ABCE1: variants seen among roughly 807,000 people sequenced by gnomAD.
ABCE1 encodes ATP binding cassette subfamily E member 1.
A neutral mutation model predicts 83.4 loss-of-function variants in ABCE1; 22 were observed. The observed-to-expected ratio is 0.26, with a 90% CI of 0.19 to 0.38. ABCE1 has a LOEUF of 0.38. Among genes scored for constraint, ABCE1 ranks in the 10% least tolerant of loss-of-function variants. The pLI, the probability that ABCE1 is intolerant of heterozygous loss-of-function variation, is 1.00. For missense variants in ABCE1, 330 were observed against 721.9 expected, an observed-to-expected ratio of 0.46 and a Z score of 6.22; for synonymous variants, 204 against 233.7, an observed-to-expected ratio of 0.87 and a Z score of 1.16.
At chr4:145,122,685 C>A in intron 13 of ABCE1, 1 of 171,690 alleles carries the variant, frequency 5.8e-6, no homozygotes, top group Non-Finnish European at 1.2e-5. Flanking sequence ...GTGGTGCATG[C>A]CTGTAGTTCC....
intron 5 of ABCE1, 84 bp from the exon 6 acceptor site, chr4:145,110,015 CATAT>C: frequency 8.4e-7 from 1 of 1,187,806 alleles, no homozygotes; most frequent in South Asian, 1.8e-5. Flanking sequence ...GTTCTATTTG[CATAT>C]ATAATCTATT....
At position 145,121,216 on chromosome 4, in the gene ABCE1, T is replaced by G. The variant is rs1469339150; in HGVS notation, c.1187T>G (p.Leu396Arg). The change falls in exon 12 of 18, where the codon CTT becomes CGT. Residue 396 changes from leucine to arginine, a missense_variant. Leu to Arg is a moderately radical substitution (Grantham distance 102). Coordinates refer to ENST00000296577, the MANE Select transcript of ABCE1 (RefSeq NM_002940.3). ...TTFIRMLAGR[L>R]KPDEGGEVPV... ...TTTATCAGAATGCTTGCTGGAAGAC[T>G]TAAACCTGATGAAGGAGGTACATTT... The G allele has an allele frequency of 2.5e-6, 4 of 1,613,800 alleles. No homozygotes were observed. The highest frequency in any genetic ancestry group is 3.4e-6 in the Non-Finnish European group (4 of 1,179,886).
chr4:145,116,635 A>G (rs1220844303), intron 9 of ABCE1, among the ~76,000 whole-genome samples: 1 of 151,920 alleles, frequency 6.6e-6, no homozygotes, highest in South Asian at 2.1e-4. Flanking sequence ...CATGACTATT[A>G]CTTGCGTCTA....
chr4:145,104,626 C>A (rs1749250236), intron 2 of ABCE1, 111 bp downstream of exon 2: 1 of 629,740 alleles, frequency 1.6e-6, no homozygotes, highest in Non-Finnish European at 2.4e-6. Context: ...CCATTAGTTT[C>A]ATAAAACTGT....
intron 3 of ABCE1, 128 bp downstream of exon 3, chr4:145,105,818 TA>T: frequency 6.2e-6 from 3 of 485,080 alleles, no homozygotes; most frequent in Non-Finnish European, 7.1e-6. Flanking sequence ...AATGTAAATT[TA>T]GGAAAGTGGT....
intron 17 of ABCE1, 86 bp downstream of exon 17, chr4:145,125,187 C>A: frequency 1.0e-6 from 1 of 999,244 alleles, no homozygotes; most frequent in Non-Finnish European, 1.5e-6. Context: ...TAACATATGG[C>A]TGGGCACAGT....
chr4:145,126,292 G>C (rs1392353770), intron 17 of ABCE1, among the ~76,000 whole-genome samples: 1 of 151,862 alleles, frequency 6.6e-6, no homozygotes, highest in Non-Finnish European at 1.5e-5. Flanking sequence ...TTTGGTTTTG[G>C]TTTTAGTTGT....
chr4:145,109,088 G>A (rs767343035), intron 4 of ABCE1, 44 bp from the exon 5 acceptor site: 4 of 1,360,516 alleles, frequency 2.9e-6, no homozygotes, highest in African/African-American at 1.5e-5. Flanking sequence ...GGCTTTTTCT[G>A]TGTAAATCTG....
In ABCE1 at chr4:145,117,359, A is replaced by G; in HGVS notation, c.867A>G (p.Leu289=). The G allele has an allele frequency of 1.2e-6, 2 of 1,611,188 alleles. No individual in the cohort carries two copies. Among genetic ancestry groups the G allele is most frequent in the Non-Finnish European group, 1.7e-6 (2 of 1,178,446 alleles). The change falls in exon 10 of 18, where the codon TTA becomes TTG. Residue 289 remains leucine, a synonymous_variant. Coordinates refer to ENST00000296577, the MANE Select transcript of ABCE1 (RefSeq NM_002940.3). The part of the protein sequence containing the change: ...LDYLSDFICC[L]YGVPSAYGVV... Reference sequence around the variant, plus strand: ...ATCTCTCCGACTTCATCTGCTGTTTATATGGTGTACCAAGCGCCTATGGAG... The same window carrying G: ...ATCTCTCCGACTTCATCTGCTGTTTGTATGGTGTACCAAGCGCCTATGGAG...
At position 145,128,506 on chromosome 4, in the gene ABCE1, A is replaced by G. The variant is rs544062613; in HGVS notation, c.*933A>G. ...CTTCCCTAAAGGCAACATTAATGCA[A>G]AAGTCCCCAGATGGCAATACAAAGT... On this transcript the variant is annotated 3_prime_UTR_variant, in exon 18 of 18. Coordinates refer to ENST00000296577, the MANE Select transcript of ABCE1 (RefSeq NM_002940.3). The G allele has an allele frequency of 1.3e-5, 2 of 152,298 alleles. No individual in the cohort carries two copies. The highest frequency in any genetic ancestry group is 6.5e-5 in the Admixed American group (1 of 15,290). The allele number at this position is 152,298 out of a possible 1,614,324, so 9.4% of individuals were successfully genotyped here. A position where few individuals can be genotyped will look rare whatever the true frequency, so the allele number is the denominator to read the frequency against.
At chr4:145,109,759 A>T (rs914198267) in intron 5 of ABCE1, among the ~76,000 whole-genome samples, 1 of 152,138 alleles carries the variant, frequency 6.6e-6, no homozygotes, top group Non-Finnish European at 1.5e-5. Flanking sequence ...TCATTTCTGA[A>T]TCCTTGATTA....
Position 145,110,224 on chromosome 4 carries a change from T to C in ABCE1, c.527T>C (p.Ile176Thr). ...ATCAAACCTCAATATGTAGACCAGA[T>C]TCCTAAGGCTGCAAAGGTCGGTTTT... ...AIIKPQYVDQ[I>T]PKAAKGTVGS... Residue 176 changes from isoleucine to threonine, a missense_variant, in exon 6 of 18, where the codon ATT (isoleucine) becomes ACT (threonine). Ile to Thr is a moderately conservative substitution (Grantham distance 89). Coordinates refer to ENST00000296577, the MANE Select transcript of ABCE1 (RefSeq NM_002940.3). The C allele has an allele frequency of 6.2e-7, 1 of 1,600,840 alleles. No individual in the cohort carries two copies. The highest frequency in any genetic ancestry group is 8.5e-7 in the Non-Finnish European group (1 of 1,176,620).
intron 10 of ABCE1, among the ~76,000 whole-genome samples, chr4:145,118,021 C>T (rs1226109559): frequency 6.6e-6 from 1 of 151,680 alleles, no homozygotes; most frequent in African/African-American, 2.4e-5. Context: ...AAAAAAAGTA[C>T]CAATGTACTC....
At chr4:145,121,133 A>C in intron 11 of ABCE1, 41 bp from the exon 12 acceptor site, 1 of 1,602,844 alleles carries the variant, frequency 6.2e-7, no homozygotes, top group African/African-American at 1.3e-5. Context: ...TTTAAACGTC[A>C]AGCATCTTTC....
chr4:145,101,551 G>C (rs1749156213), intron 1 of ABCE1, among the ~76,000 whole-genome samples: 1 of 152,168 alleles, frequency 6.6e-6, no homozygotes, highest in African/African-American at 2.4e-5. Flanking sequence ...GAACTGTTGA[G>C]GGTTAGAGTA....
At position 145,112,338 on chromosome 4, in the gene ABCE1, G is replaced by A; in HGVS notation, c.800+10G>A. 1.3e-6 allele frequency: 2 copies of A among 1,513,072 alleles called. No homozygotes were observed. Among genetic ancestry groups the A allele is most frequent in the Non-Finnish European group, 1.8e-6 (2 of 1,108,658 alleles). 93.7% of individuals were successfully genotyped at this position (1,513,072 alleles called of 1,614,324 possible). ...TAATAAATCCAGATAGGTAAGTAGA[G>A]ATCTGGCATATTACTGTGTTGTTTT... is the stretch of plus-strand genomic sequence containing the variant. On this transcript the variant is annotated intron_variant, in intron 9 of 17. Coordinates refer to ENST00000296577, the MANE Select transcript of ABCE1 (RefSeq NM_002940.3).
chr4:145,106,848 GT>G (rs1749316924), intron 3 of ABCE1, among the ~76,000 whole-genome samples: 1 of 152,088 alleles, frequency 6.6e-6, no homozygotes, highest in Non-Finnish European at 1.5e-5. Context: ...AATAGTTTTG[GT>G]TAGAGGGTGG....
intron 16 of ABCE1, among the ~76,000 whole-genome samples, chr4:145,124,762 AT>A (rs4148245): frequency 1.3e-4 from 20 of 150,256 alleles, no homozygotes; most frequent in South Asian, 2.1e-4. Flanking sequence ...TCCAGGTTAA[AT>A]TTTTTTTTTG....
intron 1 of ABCE1, among the ~76,000 whole-genome samples, chr4:145,100,743 G>T (rs1025224668): frequency 1.3e-5 from 2 of 151,930 alleles, no homozygotes; most frequent in Non-Finnish European, 2.9e-5. Flanking sequence ...GTCTCCTTTT[G>T]AATGATTTTT....
Sources: allele counts gnomAD v4.1 joint callset (sites outside exome capture counted in the v4.1 genomes callset), GRCh38; gene constraint gnomAD v4.1.1; transcripts MANE v1.5; gene names NCBI Gene and HGNC (gene_info 2026-07-23, HGNC 2026-07-21).